The following HADH variants were observed in gnomAD, a reference collection of about 807,000 sequenced individuals.
HADH encodes the protein hydroxyacyl-coenzyme A dehydrogenase, mitochondrial.
HADH carries 24 observed loss-of-function variants against 32.2 expected under a neutral mutation model. The ratio of observed to expected loss-of-function variants is 0.75; its 90% confidence interval spans 0.54 to 1.05. The LOEUF (loss-of-function observed/expected upper bound fraction) is 1.05. Ranked by LOEUF, HADH falls within the 50% of genes least tolerant of loss-of-function variation. The pLI is 0.00. For missense variants in HADH, 350 were observed against 397.1 expected, an observed-to-expected ratio of 0.88 and a Z score of 1.01; for synonymous variants, 139 against 152.5, an observed-to-expected ratio of 0.91 and a Z score of 0.65.
intron 4 of HADH, among the ~76,000 whole-genome samples, chr4:108,022,271 AAT>A (rs10552949): frequency 0.84 from 126,179 of 149,830 alleles, 53,824 homozygotes; most frequent in East Asian, 0.97. Flanking sequence ...CCTGTTTAAA[AAT>A]ATATATATAT....
intron 1 of HADH, among the ~76,000 whole-genome samples, chr4:108,006,463 T>C (rs1246296611): frequency 6.6e-6 from 1 of 152,022 alleles, no homozygotes; most frequent in Non-Finnish European, 1.5e-5. Flanking sequence ...GGGCCTGGGG[T>C]TTGGGCTTTT....
chr4:108,029,924 A>ACAGAGGC (rs1736202755), intron 6 of HADH: 1 of 152,214 alleles, frequency 6.6e-6, no homozygotes. Context: ...AGTCAGAGGG[A>ACAGAGGC]CAGAGGCTGG....
intron 1 of HADH, among the ~76,000 whole-genome samples, chr4:107,997,304 C>T (rs1004639114): frequency 2.0e-5 from 3 of 152,154 alleles, no homozygotes; most frequent in Admixed American, 6.5e-5. Context: ...CTTGTAATGT[C>T]TAGGCACATG....
At chr4:107,995,656 A>G (rs548058843) in intron 1 of HADH, among the ~76,000 whole-genome samples, 2 of 152,340 alleles carry the variant, frequency 1.3e-5, no homozygotes, top group South Asian at 2.1e-4. Context: ...GACCATTACA[A>G]TAATCACCCC....
At chr4:108,027,528 T>C (rs1176407072) in intron 5 of HADH, 160 bp from the exon 6 acceptor site, 4 of 692,044 alleles carry the variant, frequency 5.8e-6, no homozygotes, top group East Asian at 2.7e-5. Flanking sequence ...AATTGTCATA[T>C]GAGATAGAAA....
intron 4 of HADH, among the ~76,000 whole-genome samples, chr4:108,020,890 A>G (rs1006928822): frequency 6.6e-6 from 1 of 151,866 alleles, no homozygotes; most frequent in Non-Finnish European, 1.5e-5. Context: ...TCCTTCCTTT[A>G]TCCTCCTCAT....
At chr4:108,015,400 CAT>C (rs1329887104) in intron 3 of HADH, among the ~76,000 whole-genome samples, 4 of 152,188 alleles carry the variant, frequency 2.6e-5, no homozygotes, top group African/African-American at 9.7e-5. Flanking sequence ...AGCATTTTCT[CAT>C]ATGTTTATTG....
At chr4:108,009,001 A>G (rs1735383220) in intron 1 of HADH, among the ~76,000 whole-genome samples, 1 of 152,202 alleles carries the variant, frequency 6.6e-6, no homozygotes, top group African/African-American at 2.4e-5. Context: ...CAGTTTCACT[A>G]AACATTCCCC....
intron 3 of HADH, 70 bp from the exon 4 acceptor site, chr4:108,019,470 C>T (rs1735804581): frequency 7.1e-7 from 1 of 1,399,538 alleles, no homozygotes; most frequent in African/African-American, 1.4e-5. Context: ...TTGTGCATTG[C>T]ATCCAAGAGT....
At chr4:108,010,902 A>C (rs905695776) in intron 2 of HADH, among the ~76,000 whole-genome samples, 14 of 140,578 alleles carry the variant, frequency 1.0e-4, no homozygotes, top group Non-Finnish European at 2.1e-4. Flanking sequence ...ACCAGGCTGG[A>C]GTGCAGTGGC....
At chr4:108,032,082 C>A in intron 6 of HADH, 1 of 388,034 alleles carries the variant, frequency 2.6e-6, no homozygotes, top group Non-Finnish European at 4.6e-6. Context: ...TCTTCTTTAT[C>A]GATGTTTAAG....
chr4:108,026,611 G>GTTAA (rs1326086511), intron 5 of HADH: 1 of 152,214 alleles, frequency 6.6e-6, no homozygotes, highest in Non-Finnish European at 1.5e-5. Flanking sequence ...AGTTTGCCTA[G>GTTAA]GGTTAAAGGA....
chr4:108,020,324 G>A (rs1735841328), intron 4 of HADH, among the ~76,000 whole-genome samples: 1 of 152,144 alleles, frequency 6.6e-6, no homozygotes, highest in Admixed American at 6.5e-5. Context: ...TAAAAAATCA[G>A]CCAGGGGTTT....
In HADH at chr4:107,997,793, G is replaced by A. The variant is rs75625225; in HGVS notation, c.132+7729G>A. On this transcript the variant is annotated intron_variant, in intron 1 of 7. Transcript: ENST00000309522. ...CTGCCAGGAAGAGTCCTCCTCATTT[G>A]TTGTAAAAATAACAGATGTCTATGA... Among the ~76,000 whole-genome samples, 620 of 152,182 alleles carry A rather than the reference G, an allele frequency of 4.1e-3. 8 individuals are homozygous for A. The highest frequency in any genetic ancestry group is 0.014 in the African/African-American group (580 of 41,508).
intron 1 of HADH, 48 bp downstream of exon 1, chr4:107,990,112 T>C: frequency 1.9e-6 from 3 of 1,567,174 alleles, no homozygotes; most frequent in Non-Finnish European, 2.6e-6. Flanking sequence ...CCGCCCACCC[T>C]GAGGTGGAAG....
chr4:107,994,990 A>G (rs375874222), intron 1 of HADH, among the ~76,000 whole-genome samples: 1 of 152,224 alleles, frequency 6.6e-6, no homozygotes, highest in East Asian at 1.9e-4. Context: ...TTTTCCTGCC[A>G]TGTTCTGCCT....
At chr4:108,011,931 A>C (rs892198702) in intron 2 of HADH, among the ~76,000 whole-genome samples, 1 of 152,014 alleles carries the variant, frequency 6.6e-6, no homozygotes, top group African/African-American at 2.4e-5. Flanking sequence ...TTGCTCTGCT[A>C]CCCAGGCTGG....
chr4:108,003,877 TTTTGACTTGTA>T (rs964912570), intron 1 of HADH, among the ~76,000 whole-genome samples: 9 of 151,514 alleles, frequency 5.9e-5, no homozygotes, highest in African/African-American at 2.2e-4. Context: ...CACTGCAGGT[TTTTGACTTGTA>T]TTAACCCATT....
rs559186719 is a variant in HADH, at chr4:108,027,986, C to T, written c.709+226C>T. On this transcript the variant is annotated intron_variant, in intron 6 of 7. Coordinates refer to ENST00000309522, the MANE Select transcript of HADH (RefSeq NM_005327.7). ...CCTCTGAGAAAGGTTTCTGGAACTC[C>T]CACCACCCCCACTACAGTCCCAGCC... 4.3e-5 allele frequency: 26 copies of T among 602,770 alleles called. No individual in the cohort carries two copies. In the African/African-American group the frequency reaches 4.4e-4, roughly 10 times the overall value. The allele number at this position is 602,770 out of a possible 1,614,324, so 37.3% of individuals were successfully genotyped here.
Sources: gnomAD v4.1 joint callset for allele counts (sites outside exome capture counted in the v4.1 genomes callset) on GRCh38, gnomAD v4.1.1 for gene constraint, MANE v1.5 for transcripts, NCBI Gene and HGNC (gene_info 2026-07-23, HGNC 2026-07-21) for gene names.